Variants in SLIT3 observed in about 807,000 individuals in gnomAD.
The protein encoded by SLIT3 is slit guidance ligand 3.
A neutral mutation model predicts 184.0 loss-of-function variants in SLIT3; 68 were observed. That is an observed-to-expected ratio of 0.37 (90% CI 0.30 to 0.45). SLIT3 has a LOEUF of 0.45. Among genes scored for constraint, SLIT3 ranks in the 20% least tolerant of loss-of-function variants. The probability of loss-of-function intolerance (pLI) is 1.00; values close to 1 mark genes in which losing one functional copy is unlikely to be tolerated. For synonymous variants in SLIT3, 831 were observed against 828.6 expected (o/e 1.00, Z -0.05); for missense variants, 1,707 against 2,026.0 (o/e 0.84, Z 3.02).
intron 5 of SLIT3, among the ~76,000 whole-genome samples, chr5:168,870,276 T>A (rs1759466847): frequency 6.6e-6 from 1 of 152,224 alleles, no homozygotes; most frequent in Non-Finnish European, 1.5e-5. Flanking sequence ...AGATGCAAAG[T>A]AGTTTATCTG....
intron 1 of SLIT3, among the ~76,000 whole-genome samples, chr5:169,275,492 T>C (rs1766771401): frequency 6.6e-6 from 1 of 152,074 alleles, no homozygotes. Context: ...TGGAAAAGGA[T>C]TGTATTAATC....
chr5:168,869,901 A>G (rs1019111058), intron 5 of SLIT3, among the ~76,000 whole-genome samples: 1 of 152,240 alleles, frequency 6.6e-6, no homozygotes, highest in Non-Finnish European at 1.5e-5. Flanking sequence ...AGAGAACTTT[A>G]AAGGAGAATG....
At chr5:168,752,933 C>A (rs768260725) in intron 18 of SLIT3, 22 bp downstream of exon 18, 1 of 1,612,808 alleles carries the variant, frequency 6.2e-7, no homozygotes, top group Non-Finnish European at 8.5e-7. Flanking sequence ...AGTCCGTGGG[C>A]AGTGGACCCA....
At position 169,005,018 on chromosome 5, in the gene SLIT3, C is replaced by A. The variant is rs1216378933; in HGVS notation, c.414-121682G>T. ...TTTACAAATTGAGGGTTTGTGGCAA[C>A]CTGCATCAAGCAAGTCTATTGGTGT... On this transcript the variant is annotated intron_variant, in intron 4 of 35. Coordinates refer to ENST00000519560, the MANE Select transcript of SLIT3 (RefSeq NM_003062.4). 2.0e-5 allele frequency among the ~76,000 whole-genome samples: 3 copies of A among 152,178 alleles called. No individual in the cohort carries two copies. The East Asian group carries it at 5.8e-4, about 29-fold the overall frequency.
chr5:168,975,970 G>T (rs1754742880), intron 4 of SLIT3, among the ~76,000 whole-genome samples: 1 of 152,178 alleles, frequency 6.6e-6, no homozygotes, highest in Middle Eastern at 3.2e-3. Context: ...AGCAGGGAGT[G>T]TCGATTTTAA....
chr5:169,130,809 T>C (rs1179316939), intron 4 of SLIT3, among the ~76,000 whole-genome samples: 3 of 152,210 alleles, frequency 2.0e-5, no homozygotes, highest in African/African-American at 7.2e-5. Context: ...AGCAGTTAGT[T>C]AAACTAGACT....
At chr5:169,185,106 G>T (rs1445139821) in intron 4 of SLIT3, among the ~76,000 whole-genome samples, 3 of 152,152 alleles carry the variant, frequency 2.0e-5, no homozygotes, top group African/African-American at 7.2e-5. Flanking sequence ...GAATGACACA[G>T]CAACCACCAT....
chr5:168,833,417 A>C (rs1442052843), intron 6 of SLIT3, among the ~76,000 whole-genome samples: 1 of 152,194 alleles, frequency 6.6e-6, no homozygotes, highest in Non-Finnish European at 1.5e-5. Flanking sequence ...AGGGGACTCC[A>C]GTGCTTACTC....
chr5:168,783,061 G>C (rs1434080962), intron 12 of SLIT3, among the ~76,000 whole-genome samples: 1 of 152,138 alleles, frequency 6.6e-6, no homozygotes, highest in Non-Finnish European at 1.5e-5. Context: ...ATCAGCAAAC[G>C]AGTGACAGAA....
intron 6 of SLIT3, among the ~76,000 whole-genome samples, chr5:168,824,677 G>A (rs1331230838): frequency 6.6e-6 from 1 of 152,178 alleles, no homozygotes; most frequent in Non-Finnish European, 1.5e-5. Context: ...AGGAAGAGTT[G>A]GATACAGCCC....
intron 4 of SLIT3, among the ~76,000 whole-genome samples, chr5:169,188,721 C>G (rs61022881): frequency 6.6e-6 from 1 of 152,172 alleles, no homozygotes. Context: ...GCATTTACTA[C>G]GTGCTTTGTT....
rs558592735 is a variant in SLIT3, at chr5:169,220,329, A to G, written c.341+24376T>C. On this transcript the variant is annotated intron_variant, in intron 3 of 35. Transcript: ENST00000519560. ...ATCCTAGCCAAATGGAAAAAAAAAA[A>G]AAAGCTTAAATTTTTAGGTTTTAAA... is the stretch of plus-strand genomic sequence containing the variant. 2.0e-5 allele frequency among the ~76,000 whole-genome samples: 3 copies of G among 152,128 alleles called. No individual in the cohort carries two copies. In the South Asian group the frequency reaches 6.2e-4, roughly 32 times the overall value.
rs560844832 is a variant in SLIT3, at chr5:168,764,777, A to G, written c.1460-2088T>C. On this transcript the variant is annotated intron_variant, in intron 14 of 35. Coordinates refer to ENST00000519560, the MANE Select transcript of SLIT3 (RefSeq NM_003062.4). Reference sequence around the variant, plus strand: ...CTTCTACCGCTAGGCTTGTGTGAGCAAACTCCGTGCACGTATCCCCACAGT... The same window carrying G: ...CTTCTACCGCTAGGCTTGTGTGAGCGAACTCCGTGCACGTATCCCCACAGT... Among the ~76,000 whole-genome samples, 16 of 152,250 alleles carry G rather than the reference A, an allele frequency of 1.1e-4. No individual in the cohort carries two copies. The South Asian group carries it at 1.7e-3, about 16-fold the overall frequency.
chr5:169,184,756 T>C (rs1763278198), intron 4 of SLIT3, among the ~76,000 whole-genome samples: 1 of 152,232 alleles, frequency 6.6e-6, no homozygotes, highest in South Asian at 2.1e-4. Context: ...AGGTCCTTGC[T>C]CTGCTGTGGT....
chr5:168,754,194 G>A (rs754944096), intron 16 of SLIT3, among the ~76,000 whole-genome samples, 187 bp from the exon 17 acceptor site: 3 of 152,146 alleles, frequency 2.0e-5, no homozygotes, highest in Non-Finnish European at 2.9e-5. Context: ...CAGGGAGCAG[G>A]GACCCTGGCC....
chr5:169,067,092 T>C (rs1758376891), intron 4 of SLIT3, among the ~76,000 whole-genome samples: 1 of 152,204 alleles, frequency 6.6e-6, no homozygotes, highest in African/African-American at 2.4e-5. Context: ...TGTTTATTCT[T>C]ATATTCTTAA....
At chr5:168,850,454 T>C (rs1267883238) in intron 5 of SLIT3, among the ~76,000 whole-genome samples, 1 of 152,244 alleles carries the variant, frequency 6.6e-6, no homozygotes, top group Non-Finnish European at 1.5e-5. Flanking sequence ...CATGTAATAT[T>C]GTGTCCATGT....
At chr5:168,879,297 C>T (rs1453191934) in intron 5 of SLIT3, among the ~76,000 whole-genome samples, 1 of 152,052 alleles carries the variant, frequency 6.6e-6, no homozygotes, top group Non-Finnish European at 1.5e-5. Context: ...GGTAGTGGTT[C>T]TCAAACAAGC....
chr5:169,271,531 G>T (rs1187011383), intron 1 of SLIT3, among the ~76,000 whole-genome samples: 3 of 152,208 alleles, frequency 2.0e-5, no homozygotes, highest in Non-Finnish European at 4.4e-5. Flanking sequence ...GGCATTGCGA[G>T]GGGGTAGAGG....
Sources: allele counts gnomAD v4.1 joint callset (sites outside exome capture counted in the v4.1 genomes callset), GRCh38; gene constraint gnomAD v4.1.1; transcripts MANE v1.5; gene names NCBI Gene and HGNC (gene_info 2026-07-23, HGNC 2026-07-21).